Variants in HHIP observed in about 807,000 individuals in gnomAD.
HHIP encodes hedgehog-interacting protein.
HHIP carries 12 observed loss-of-function variants against 74.0 expected under a neutral mutation model. The ratio of observed to expected loss-of-function variants is 0.16; its 90% CI spans 0.10 to 0.26. The LOEUF (loss-of-function observed/expected upper bound fraction) is 0.26. HHIP is among the 10% of genes least tolerant of loss of function. HHIP has a pLI of 1.00. For synonymous variants in HHIP, 309 were observed against 311.6 expected (o/e 0.99, Z 0.09); for missense variants, 788 against 845.0 (o/e 0.93, Z 0.84).
intron 11 of HHIP, among the ~76,000 whole-genome samples, chr4:144,732,508 A>T (rs1730989452): frequency 6.6e-6 from 1 of 152,218 alleles, no homozygotes; most frequent in Admixed American, 6.5e-5. Context: ...AAATTGGAGT[A>T]TCAGCAGAGA....
intron 12 of HHIP, among the ~76,000 whole-genome samples, chr4:144,735,222 G>A (rs1014430972): frequency 6.6e-6 from 1 of 152,074 alleles, no homozygotes; most frequent in Non-Finnish European, 1.5e-5. Context: ...ACTAGCCAAT[G>A]ACTTAGTGTT....
chr4:144,733,546 A>G (rs76130766), intron 11 of HHIP, among the ~76,000 whole-genome samples: 9,468 of 152,224 alleles, frequency 0.062, 455 homozygotes, highest in African/African-American at 0.13. Flanking sequence ...AATTGAGTCT[A>G]CAGGGCTTAA....
chr4:144,689,255 T>C lies in HHIP; in HGVS notation c.832-17276T>C, dbSNP rs144355547. ...AAAGTTTGAGCAATGGAAAGGCACA[T>C]AGATGATGTCGTACATTATAAATAT... On this transcript the variant is annotated intron_variant, in intron 4 of 12. Coordinates refer to ENST00000296575, the MANE Select transcript of HHIP (RefSeq NM_022475.3). 4.6e-5 allele frequency among the ~76,000 whole-genome samples: 7 copies of C among 152,338 alleles called. No homozygotes were observed. In the East Asian group the frequency reaches 5.8e-4, roughly 13 times the overall value.
chr4:144,731,697 GGT>G (rs1730960879), intron 11 of HHIP, among the ~76,000 whole-genome samples: 1 of 152,112 alleles, frequency 6.6e-6, no homozygotes, highest in Admixed American at 6.5e-5. Context: ...TGGGATTACA[GGT>G]GTGAGCCACC....
At chr4:144,714,555 A>C (rs543865806) in intron 9 of HHIP, among the ~76,000 whole-genome samples, 1 of 152,154 alleles carries the variant, frequency 6.6e-6, no homozygotes, top group Non-Finnish European at 1.5e-5. Flanking sequence ...AGGCTTGATA[A>C]ATTTCATAAA....
At chr4:144,669,994 A>T (rs1291610272) in intron 4 of HHIP, among the ~76,000 whole-genome samples, 1 of 149,768 alleles carries the variant, frequency 6.7e-6, no homozygotes, top group East Asian at 2.0e-4. Context: ...AAAAAAAAAA[A>T]TTAGCTGGGT....
At chr4:144,698,034 GTCTGCA>G (rs1174319566) in intron 4 of HHIP, among the ~76,000 whole-genome samples, 1 of 152,042 alleles carries the variant, frequency 6.6e-6, no homozygotes, top group Admixed American at 6.6e-5. Flanking sequence ...TTTCTAATTT[GTCTGCA>G]TCTGCTACCT....
At chr4:144,705,348 C>G (rs1730104616) in intron 4 of HHIP, among the ~76,000 whole-genome samples, 1 of 152,098 alleles carries the variant, frequency 6.6e-6, no homozygotes, top group South Asian at 2.1e-4. Flanking sequence ...TGAACATGAC[C>G]TTGTGAAGAG....
chr4:144,688,521 T>C (rs947918290), intron 4 of HHIP, among the ~76,000 whole-genome samples: 25 of 152,314 alleles, frequency 1.6e-4, no homozygotes, highest in African/African-American at 6.0e-4. Flanking sequence ...TTAATTTTTC[T>C]GCAAAAATAA....
Position 144,712,038 on chromosome 4 carries a change from A to G in HHIP, c.1390A>G (p.Arg464Gly), listed in dbSNP as rs1310245221. 9.9e-6 allele frequency: 16 copies of G among 1,612,848 alleles called. No homozygotes were observed. Among genetic ancestry groups the G allele is most frequent in the Non-Finnish European group, 1.2e-5 (14 of 1,179,056 alleles). Residue 464 changes from arginine (R) to glycine (G), a missense_variant, in exon 8 of 13, where the codon AGA (arginine) becomes GGA (glycine). Arg to Gly is a moderately radical substitution (Grantham distance 125). Coordinates refer to ENST00000296575, the MANE Select transcript of HHIP (RefSeq NM_022475.3). ...CAATGGAAAAAACAGATCATCAGCCAGAATTCTACAGATAATAAAGGGGAA... is the reference window on the plus strand; with the variant it reads ...CAATGGAAAAAACAGATCATCAGCCGGAATTCTACAGATAATAAAGGGGAA... ...DSNGKNRSSA[R>G]ILQIIKGKDY... is the part of the protein sequence containing the mutation.
At chr4:144,736,866 C>T (rs566106770) in intron 12 of HHIP, among the ~76,000 whole-genome samples, 1 of 151,878 alleles carries the variant, frequency 6.6e-6, no homozygotes, top group East Asian at 1.9e-4. Flanking sequence ...TTTCTTCTTA[C>T]TTTTTCTATC....
intron 1 of HHIP, among the ~76,000 whole-genome samples, chr4:144,647,747 C>T (rs977645702): frequency 2.6e-5 from 4 of 152,114 alleles, no homozygotes; most frequent in South Asian, 2.1e-4. Flanking sequence ...TTTGAGTTTG[C>T]AATATCGTTC....
At chr4:144,736,790 G>T (rs1381487678) in intron 12 of HHIP, among the ~76,000 whole-genome samples, 3 of 152,008 alleles carry the variant, frequency 2.0e-5, no homozygotes. Flanking sequence ...ACCTAAACAG[G>T]AATTTTATTC....
chr4:144,736,647 ACATT>A (rs1731129101), intron 12 of HHIP, among the ~76,000 whole-genome samples: 1 of 152,190 alleles, frequency 6.6e-6, no homozygotes, highest in South Asian at 2.1e-4. Flanking sequence ...AAATAGACAT[ACATT>A]GAGTTAACAT....
At chr4:144,670,929 G>A (rs1034392889) in intron 4 of HHIP, among the ~76,000 whole-genome samples, 4 of 152,198 alleles carry the variant, frequency 2.6e-5, no homozygotes, top group Admixed American at 2.6e-4. Flanking sequence ...GAACACATAT[G>A]TTCAGGAAAA....
At chr4:144,732,750 G>A (rs1188918869) in intron 11 of HHIP, among the ~76,000 whole-genome samples, 1 of 152,196 alleles carries the variant, frequency 6.6e-6, no homozygotes, top group Non-Finnish European at 1.5e-5. Context: ...GGGGTAGTAT[G>A]TGAGAGTAGG....
intron 4 of HHIP, among the ~76,000 whole-genome samples, chr4:144,696,160 T>A (rs1729812228): frequency 6.6e-6 from 1 of 151,964 alleles, no homozygotes; most frequent in South Asian, 2.1e-4. Context: ...ACATTCATCA[T>A]CTTCTTGGAT....
At chr4:144,653,566 T>TCAA (rs1728481381) in intron 2 of HHIP, among the ~76,000 whole-genome samples, 1 of 152,124 alleles carries the variant, frequency 6.6e-6, no homozygotes, top group Non-Finnish European at 1.5e-5. Flanking sequence ...GTTGGAAGAC[T>TCAA]CAACATAGAG....
At chr4:144,732,902 T>G (rs1206971117) in intron 11 of HHIP, among the ~76,000 whole-genome samples, 1 of 152,212 alleles carries the variant, frequency 6.6e-6, no homozygotes, top group African/African-American at 2.4e-5. Flanking sequence ...TTCTGCAATT[T>G]CAACTAGAAT....
Sources: gnomAD v4.1 joint callset for allele counts (sites outside exome capture counted in the v4.1 genomes callset) on GRCh38, gnomAD v4.1.1 for gene constraint, MANE v1.5 for transcripts, NCBI Gene and HGNC (gene_info 2026-07-23, HGNC 2026-07-21) for gene names.